PTPRG: variants seen among roughly 807,000 people sequenced by gnomAD.
PTPRG encodes protein tyrosine phosphatase receptor type G.
A neutral mutation model predicts 165.3 loss-of-function variants in PTPRG; 102 were observed. That is an observed-to-expected ratio of 0.62 (90% confidence interval 0.53 to 0.73). The LOEUF (loss-of-function observed/expected upper bound fraction) is 0.73. Among genes scored for constraint, PTPRG ranks in the 30% least tolerant of loss-of-function variants. PTPRG has a pLI of 0.00. For missense variants in PTPRG, 1,866 were observed against 1,861.4 expected (o/e 1.00, Z -0.05); for synonymous variants, 675 against 669.5 (o/e 1.01, Z -0.13).
intron 8 of PTPRG, among the ~76,000 whole-genome samples, chr3:62,189,913 A>C (rs949526081): frequency 6.6e-6 from 1 of 152,024 alleles, no homozygotes; most frequent in Non-Finnish European, 1.5e-5. Context: ...GACTTGCTCC[A>C]GCCCCTCAGA....
At chr3:61,841,071 C>CACA (rs2036617589) in intron 2 of PTPRG, among the ~76,000 whole-genome samples, 1 of 152,094 alleles carries the variant, frequency 6.6e-6, no homozygotes, top group East Asian at 1.9e-4. Flanking sequence ...TGTGAGCCAC[C>CACA]ACACCCGGCC....
At chr3:61,870,740 G>T (rs1393407547) in intron 2 of PTPRG, among the ~76,000 whole-genome samples, 1 of 151,694 alleles carries the variant, frequency 6.6e-6, no homozygotes, top group African/African-American at 2.4e-5. Flanking sequence ...AACAAAATCT[G>T]TGTAAGTGTT....
intron 5 of PTPRG, among the ~76,000 whole-genome samples, chr3:62,085,401 G>A (rs959479049): frequency 6.6e-6 from 1 of 152,230 alleles, no homozygotes; most frequent in Non-Finnish European, 1.5e-5. Flanking sequence ...ATGTTAAAGG[G>A]ATGCATCTCC....
At chr3:61,661,375 A>C (rs1318712067) in intron 1 of PTPRG, among the ~76,000 whole-genome samples, 1 of 152,196 alleles carries the variant, frequency 6.6e-6, no homozygotes, top group East Asian at 1.9e-4. Context: ...AGGAATAGCA[A>C]ACCTTGACTG....
At chr3:61,999,680 G>T (rs2041125105) in intron 3 of PTPRG, among the ~76,000 whole-genome samples, 1 of 151,994 alleles carries the variant, frequency 6.6e-6, no homozygotes. Flanking sequence ...TAAATGAATT[G>T]ATTTTAAAAG....
At position 62,117,999 on chromosome 3, in the gene PTPRG, C is replaced by G. The variant is rs558615102; in HGVS notation, c.616-14603C>G. 1.4e-3 allele frequency among the ~76,000 whole-genome samples: 216 copies of G among 152,232 alleles called. 1 individual carries two copies. Among genetic ancestry groups the G allele is most frequent in the Non-Finnish European group, 1.7e-3 (117 of 68,012 alleles). On this transcript the variant is annotated intron_variant, in intron 5 of 29. Coordinates refer to ENST00000474889, the MANE Select transcript of PTPRG (RefSeq NM_002841.4). ...TCATCAGTGAATTCTTGCCATGTGCCTGGCATCGTGTGAAGTATTTTATGT... is the reference window on the plus strand; with the variant it reads ...TCATCAGTGAATTCTTGCCATGTGCGTGGCATCGTGTGAAGTATTTTATGT...
At chr3:62,104,170 A>G (rs72889589) in intron 5 of PTPRG, among the ~76,000 whole-genome samples, 9 of 152,256 alleles carry the variant, frequency 5.9e-5, no homozygotes, top group South Asian at 2.1e-4. Flanking sequence ...GGAACCTTCT[A>G]GGGATTTTTT....
At position 62,067,572 on chromosome 3, in the gene PTPRG, G is replaced by A. The variant is rs530142392; in HGVS notation, c.520-10591G>A. Among the ~76,000 whole-genome samples, 4 of 152,256 alleles carry A rather than the reference G, an allele frequency of 2.6e-5. No individual in the cohort carries two copies. In the South Asian group the frequency reaches 8.3e-4, roughly 32 times the overall value. ...TTACAATGTATAATTGTATAATGTA[G>A]AATCAGTGGGAGCCCTGAGCGTGTT... is the stretch of plus-strand genomic sequence containing the variant. On this transcript the variant is annotated intron_variant, in intron 4 of 29. Coordinates refer to ENST00000474889, the MANE Select transcript of PTPRG (RefSeq NM_002841.4).
chr3:61,826,830 G>T, intron 2 of PTPRG, among the ~76,000 whole-genome samples: 1 of 147,884 alleles, frequency 6.8e-6, no homozygotes, highest in African/African-American at 2.6e-5. Flanking sequence ...AAAATGGAAA[G>T]GTTTTTTTTT....
At chr3:61,915,537 A>G (rs926529297) in intron 2 of PTPRG, among the ~76,000 whole-genome samples, 6 of 152,080 alleles carry the variant, frequency 3.9e-5, no homozygotes, top group African/African-American at 1.4e-4. Context: ...AATATATCTT[A>G]TTTGTCATCA....
At chr3:61,895,188 G>T (rs532267246) in intron 2 of PTPRG, among the ~76,000 whole-genome samples, 1 of 152,274 alleles carries the variant, frequency 6.6e-6, no homozygotes, top group East Asian at 1.9e-4. Flanking sequence ...TCACTTCATA[G>T]CTTGTCACAG....
chr3:61,914,436 C>T (rs967841846), intron 2 of PTPRG, among the ~76,000 whole-genome samples: 5 of 152,228 alleles, frequency 3.3e-5, no homozygotes, highest in African/African-American at 1.2e-4. Flanking sequence ...TATTTGGTAG[C>T]TCCTTGCCAT....
rs182824883 is a variant in PTPRG, at chr3:61,959,677, T to C, written c.191-29948T>C. On this transcript the variant is annotated intron_variant, in intron 2 of 29. Transcript: ENST00000474889. Reference sequence around the variant, plus strand: ...TCAAAGGTGCTGGAGAATGACTAATTTGATGGAGGAAAATAGCAGTATTAG... The same window carrying C: ...TCAAAGGTGCTGGAGAATGACTAATCTGATGGAGGAAAATAGCAGTATTAG... Among the ~76,000 whole-genome samples the C allele has an allele frequency of 9.7e-4, 148 of 152,244 alleles. 3 individuals carry two copies. The East Asian group carries it at 0.019, about 20-fold the overall frequency.
chr3:61,837,519 C>G (rs766315947), intron 2 of PTPRG, among the ~76,000 whole-genome samples: 14 of 152,286 alleles, frequency 9.2e-5, no homozygotes, highest in Middle Eastern at 3.4e-3. Flanking sequence ...CTATTAAAGG[C>G]TGAATACGGA....
intron 4 of PTPRG, among the ~76,000 whole-genome samples, chr3:62,065,732 G>C (rs896622828): frequency 6.6e-6 from 1 of 152,178 alleles, no homozygotes; most frequent in African/African-American, 2.4e-5. Flanking sequence ...GAGAGGTCAT[G>C]ATACAACATC....
At chr3:61,654,471 G>A (rs1474956023) in intron 1 of PTPRG, among the ~76,000 whole-genome samples, 1 of 151,852 alleles carries the variant, frequency 6.6e-6, no homozygotes, top group Non-Finnish European at 1.5e-5. Flanking sequence ...TGCAGCCTCC[G>A]CCTCCCAGGC....
chr3:62,057,318 C>A (rs1456571705), intron 4 of PTPRG, among the ~76,000 whole-genome samples: 1 of 152,118 alleles, frequency 6.6e-6, no homozygotes, highest in Non-Finnish European at 1.5e-5. Flanking sequence ...TTACCCACAT[C>A]CATCCTTCAT....
chr3:61,707,911 C>A (rs886453703), intron 1 of PTPRG, among the ~76,000 whole-genome samples: 16 of 152,112 alleles, frequency 1.1e-4, no homozygotes, highest in East Asian at 3.9e-4. Flanking sequence ...CCCTCAGCCT[C>A]CCGAGTACCT....
intron 2 of PTPRG, chr3:61,749,484 T>G (rs1461900947): frequency 9.3e-6 from 2 of 214,082 alleles, no homozygotes; most frequent in East Asian, 3.1e-4. Context: ...TCTGCAGTCC[T>G]TTTCATTTTT....
Sources: gnomAD v4.1 joint callset for allele counts (sites outside exome capture counted in the v4.1 genomes callset) on GRCh38, gnomAD v4.1.1 for gene constraint, MANE v1.5 for transcripts, NCBI Gene and HGNC (gene_info 2026-07-23, HGNC 2026-07-21) for gene names.